BUD23: variants seen among roughly 807,000 people sequenced by gnomAD.
BUD23 encodes BUD23 rRNA methyltransferase and ribosome maturation factor.
A neutral mutation model predicts 47.0 loss-of-function variants in BUD23; 34 were observed. The observed-to-expected ratio is 0.72, with a 90% CI of 0.55 to 0.96. The LOEUF (loss-of-function observed/expected upper bound fraction) is 0.96. Ranked by LOEUF, BUD23 falls within the 40% of genes least tolerant of loss-of-function variation. The pLI is 0.00. For missense variants in BUD23, 343 were observed against 361.2 expected (o/e 0.95, Z 0.41); for synonymous variants, 124 against 132.0 (o/e 0.94, Z 0.41).
intron 5 of BUD23, among the ~76,000 whole-genome samples, chr7:73,690,254 C>T (rs1798138519): frequency 6.6e-6 from 1 of 152,162 alleles, no homozygotes; most frequent in Non-Finnish European, 1.5e-5. Context: ...ATCCACCCAT[C>T]TCAGCCTCCC....
chr7:73,687,697 C>T (rs1251897917), intron 5 of BUD23, among the ~76,000 whole-genome samples: 1 of 152,196 alleles, frequency 6.6e-6, no homozygotes, highest in Non-Finnish European at 1.5e-5. Flanking sequence ...TTTCTTCCTG[C>T]TTTTAGTCCT....
chr7:73,683,742 A>G (rs1554612149), intron 1 of BUD23, 25 bp from the exon 2 acceptor site: 1 of 1,614,114 alleles, frequency 6.2e-7, no homozygotes, highest in Non-Finnish European at 8.5e-7. Context: ...TTATTCCTCT[A>G]CATGCCATTT....
chr7:73,688,154 C>G (rs1472954087), intron 5 of BUD23, among the ~76,000 whole-genome samples: 2 of 152,126 alleles, frequency 1.3e-5, no homozygotes, highest in Non-Finnish European at 2.9e-5. Context: ...CTTCAGCCTC[C>G]CAAAGTGCTA....
chr7:73,686,258 T>C (rs75530654), intron 2 of BUD23, among the ~76,000 whole-genome samples: 1,673 of 152,316 alleles, frequency 0.011, 42 homozygotes, highest in African/African-American at 0.038. Context: ...TGAGAGAAAC[T>C]ATGGAGAATA....
At chr7:73,683,884 A>G (rs782120076) in intron 2 of BUD23, 80 bp downstream of exon 2, 30 of 1,612,782 alleles carry the variant, frequency 1.9e-5, no homozygotes, top group Non-Finnish European at 2.3e-5. Context: ...TTGCCCGGAA[A>G]GGCCGTAGAA....
chr7:73,684,588 C>T lies in BUD23; in HGVS notation c.86+784C>T, dbSNP rs1419272890. ...TGTTGGGATTGCAGGCGTGAGCCAG[C>T]GCACCTCGAGTCGTTAAAAAAAAAA... On this transcript the variant is annotated intron_variant, in intron 2 of 11. Transcript: ENST00000265758. 4.5e-4 allele frequency among the ~76,000 whole-genome samples: 58 copies of T among 128,230 alleles called. No homozygotes were observed. In the Admixed American group the frequency reaches 5.6e-3, roughly 12 times the overall value. 84.1% of individuals were successfully genotyped at this position (128,230 alleles called of 152,430 possible).
In BUD23 at chr7:73,694,069, C is replaced by T; in HGVS notation, c.701+19C>T. The T allele has an allele frequency of 6.3e-7, 1 of 1,597,922 alleles. No homozygotes were observed. Among genetic ancestry groups the T allele is most frequent in the Non-Finnish European group, 8.5e-7 (1 of 1,175,802 alleles). ...ATGAGAGGTAAAGCAACTGCTGAAGCCTGCCCCGGCTGCAGCGGGGGCTGC... is the reference window on the plus strand; with the variant it reads ...ATGAGAGGTAAAGCAACTGCTGAAGTCTGCCCCGGCTGCAGCGGGGGCTGC... On this transcript the variant is annotated intron_variant, in intron 10 of 11. Transcript: ENST00000265758.
Position 73,694,011 on chromosome 7 carries a change from A to G in BUD23, c.662A>G (p.Asp221Gly). Residue 221 changes from aspartate to glycine, a missense_variant, in exon 10 of 12, where the codon GAT (aspartate) becomes GGT (glycine). By Grantham distance (94) the Asp-to-Gly change is moderately conservative. Coordinates refer to ENST00000265758, the MANE Select transcript of BUD23 (RefSeq NM_017528.5). ...FIPEGLSENQ[D>G]EVEPRESVFT... Reference sequence around the variant, plus strand: ...CTGCAGGGGCTGAGTGAAAATCAGGATGAAGTTGAACCCAGGGAGTCTGTG... The same window carrying G: ...CTGCAGGGGCTGAGTGAAAATCAGGGTGAAGTTGAACCCAGGGAGTCTGTG... 6.2e-7 allele frequency: 1 copy of G among 1,612,638 alleles called. No homozygotes were observed. Among genetic ancestry groups the G allele is most frequent in the South Asian group, 1.1e-5 (1 of 91,028 alleles).
chr7:73,696,100 C>T (rs1483028444), intron 10 of BUD23: 3 of 152,192 alleles, frequency 2.0e-5, no homozygotes, highest in Non-Finnish European at 4.4e-5. Flanking sequence ...GTCCAGTTGA[C>T]ATGAGGGAAA....
chr7:73,687,035 T>G lies in BUD23; in HGVS notation c.302T>G (p.Leu101Arg). The change falls in exon 5 of 12, where the codon CTG becomes CGG. Residue 101 changes from leucine (L) to arginine (R), a missense_variant. Leu to Arg is a moderately radical substitution (Grantham distance 102). Transcript: ENST00000265758. ...GACCGAGAGATAGAGGGAGACCTGC[T>G]GCTGGGGGATATGGGCCAGGGCATC... ...AVDREIEGDLLLGDMGQGIPF... is the reference protein window; with the variant it reads ...AVDREIEGDLRLGDMGQGIPF... The G allele has an allele frequency of 6.2e-7, 1 of 1,614,192 alleles. No homozygotes were observed. The highest frequency in any genetic ancestry group is 8.5e-7 in the Non-Finnish European group (1 of 1,180,030).
intron 5 of BUD23, among the ~76,000 whole-genome samples, chr7:73,687,935 G>T (rs1337971525): frequency 6.7e-6 from 1 of 148,946 alleles, no homozygotes; most frequent in African/African-American, 2.5e-5. Flanking sequence ...TCTCTCTGTT[G>T]CCCAGGCTGG....
chr7:73,684,923 C>CAAAAAAAAAAAAAAAAAAA (rs56229090), intron 2 of BUD23, among the ~76,000 whole-genome samples: 1 of 49,148 alleles, frequency 2.0e-5, no homozygotes, highest in East Asian at 7.1e-4. Flanking sequence ...GACTTTGTTT[C>CAAAAAAAAAAAAAAAAAAA]AAAAAAAAAA....
intron 7 of BUD23, chr7:73,692,857 A>T (rs1457469333): frequency 1.8e-6 from 1 of 570,498 alleles, no homozygotes; most frequent in Non-Finnish European, 3.1e-6. Context: ...TTGGCAGATG[A>T]CATGGTATTA....
At chr7:73,690,852 C>A in intron 5 of BUD23, 64 bp from the exon 6 acceptor site, 1 of 1,287,526 alleles carries the variant, frequency 7.8e-7, no homozygotes, top group Non-Finnish European at 1.1e-6. Flanking sequence ...TGTCAAGAGG[C>A]TTGAAGTGGT....
intron 1 of BUD23, 47 bp downstream of exon 1, chr7:73,683,720 A>T (rs782128631): frequency 6.2e-7 from 1 of 1,613,932 alleles, no homozygotes; most frequent in Admixed American, 1.7e-5. Context: ...TTCTGCGGCC[A>T]CCGCGTCTGA....
chr7:73,697,578 CAGCTCAT>C lies in BUD23; in HGVS notation c.702-22_702-16del, dbSNP rs1798464909. On this transcript the variant is annotated intron_variant, in intron 10 of 11. Transcript: ENST00000265758. ...GCAGCCCCATCCATCAGCTGTCCAT[CAGCTCAT>C]AGCTGTGTCTCCGCCACAGGTTCCC... The C allele has an allele frequency of 6.2e-7, 1 of 1,613,248 alleles. No homozygotes were observed. Among genetic ancestry groups the C allele is most frequent in the African/African-American group, 1.3e-5 (1 of 74,928 alleles).
chr7:73,683,642 G>A lies in BUD23; in HGVS notation c.17G>A (p.Arg6Gln). The A allele has an allele frequency of 6.2e-7, 1 of 1,612,042 alleles. No homozygotes were observed. The highest frequency in any genetic ancestry group is 8.5e-7 in the Non-Finnish European group (1 of 1,179,398). Residue 6 changes from arginine to glutamine, a missense_variant, in exon 1 of 12, where the codon CGG (arginine) becomes CAG (glutamine). Transcript: ENST00000265758. ...GGCGTGAGAATGGCGTCCCGCGGCC[G>A]GCGTCCGGAGCATGGCGGACCCCCA... is the stretch of plus-strand genomic sequence containing the variant. MASRG[R>Q]RPEHGGPPEL...
At position 73,697,885 on chromosome 7, in the gene BUD23, A is replaced by G. The variant is rs1554615199; in HGVS notation, c.845A>G (p.Ter282=). Residue 282 remains the stop codon, a stop_retained_variant, in exon 12 of 12, where the codon TAA becomes TGA. Coordinates refer to ENST00000265758, the MANE Select transcript of BUD23 (RefSeq NM_017528.5). ...YTGRKRKPRF[*] is the part of the protein sequence containing the mutation. ...GGCCGCAAGCGCAAGCCCCGCTTCT[A>G]AGTCACCACGCGGTTCTGGAAAGGC... The G allele has an allele frequency of 1.9e-6, 3 of 1,613,688 alleles. No homozygotes were observed. Among genetic ancestry groups the G allele is most frequent in the Admixed American group, 1.7e-5 (1 of 59,896 alleles).
chr7:73,696,111 G>A (rs1361133591), intron 10 of BUD23: 1 of 152,196 alleles, frequency 6.6e-6, no homozygotes, highest in Non-Finnish European at 1.5e-5. Flanking sequence ...ATGAGGGAAA[G>A]GTCTTAAGAC....
Sources: gnomAD v4.1 joint callset for allele counts (sites outside exome capture counted in the v4.1 genomes callset) on GRCh38, gnomAD v4.1.1 for gene constraint, MANE v1.5 for transcripts, NCBI Gene and HGNC (gene_info 2026-07-23, HGNC 2026-07-21) for gene names.